EXOC6: variants seen among roughly 807,000 people sequenced by gnomAD.
EXOC6 encodes exocyst complex component 6.
EXOC6 carries 60 observed loss-of-function variants against 112.5 expected under a neutral mutation model. The ratio of observed to expected loss-of-function variants is 0.53; its 90% CI spans 0.43 to 0.66. The LOEUF is 0.66. EXOC6 is among the 30% of genes least tolerant of loss of function. EXOC6 has a pLI of 0.00. For synonymous variants in EXOC6, 295 were observed against 308.0 expected, an observed-to-expected ratio of 0.96 and a Z score of 0.44; for missense variants, 855 against 957.1, an observed-to-expected ratio of 0.89 and a Z score of 1.41.
chr10:93,052,512 A>G (rs1320013407), intron 20 of EXOC6, among the ~76,000 whole-genome samples: 1 of 152,210 alleles, frequency 6.6e-6, no homozygotes, highest in African/African-American at 2.4e-5. Context: ...TCACTTACAA[A>G]TGTTGGCATA....
chr10:92,856,726 C>T (rs61860820), intron 1 of EXOC6, among the ~76,000 whole-genome samples: 3,346 of 152,216 alleles, frequency 0.022, 57 homozygotes, highest in African/African-American at 0.041. Flanking sequence ...GTATTGTTCA[C>T]GTCTCCTATT....
Position 92,933,659 on chromosome 10 carries a change from A to G in EXOC6, c.973-485A>G, listed in dbSNP as rs190388838. On this transcript the variant is annotated intron_variant, in intron 9 of 21. Transcript: ENST00000260762. ...ATGAATGAAAGTCAAATGATCAAAT[A>G]TTTTTCTATATGCCTTGTTAAAATT... 7.2e-4 allele frequency among the ~76,000 whole-genome samples: 109 copies of G among 152,320 alleles called. 2 individuals carry two copies. The East Asian group carries it at 0.02, about 28-fold the overall frequency.
intron 17 of EXOC6, among the ~76,000 whole-genome samples, chr10:92,967,898 C>T (rs1842132551): frequency 6.6e-6 from 1 of 152,150 alleles, no homozygotes; most frequent in Non-Finnish European, 1.5e-5. Flanking sequence ...GAACTATATT[C>T]ATCTGCTTAG....
At chr10:92,842,622 G>A (rs1846899722) in intron 1 of EXOC6, among the ~76,000 whole-genome samples, 1 of 151,748 alleles carries the variant, frequency 6.6e-6, no homozygotes, top group Non-Finnish European at 1.5e-5. Context: ...ACAGGATGAC[G>A]AATAAGAAAA....
chr10:93,031,493 T>C (rs1180671880), intron 20 of EXOC6, among the ~76,000 whole-genome samples: 1 of 146,440 alleles, frequency 6.8e-6, no homozygotes, highest in Non-Finnish European at 1.5e-5. Flanking sequence ...TTTCTTTCTT[T>C]TCTTTTTTCT....
intron 20 of EXOC6, among the ~76,000 whole-genome samples, chr10:93,041,838 A>T (rs1054740948): frequency 6.6e-6 from 1 of 152,124 alleles, no homozygotes; most frequent in Admixed American, 6.6e-5. Flanking sequence ...CAGCCTCCTG[A>T]GTAGCTGGGA....
At chr10:92,852,456 A>AT (rs1314550746) in intron 1 of EXOC6, among the ~76,000 whole-genome samples, 1 of 3,138 alleles carries the variant, frequency 3.2e-4, no homozygotes, top group Non-Finnish European at 0.028. Flanking sequence ...ATACACACAG[A>AT]TTTTACAAAA....
At chr10:92,971,616 T>C (rs1410857160) in intron 17 of EXOC6, among the ~76,000 whole-genome samples, 3 of 149,632 alleles carry the variant, frequency 2.0e-5, no homozygotes, top group African/African-American at 7.4e-5. Context: ...CCTCAGATAA[T>C]CCACCCACCT....
At chr10:93,011,829 G>A (rs1348854885) in intron 19 of EXOC6, among the ~76,000 whole-genome samples, 1 of 152,114 alleles carries the variant, frequency 6.6e-6, no homozygotes, top group Non-Finnish European at 1.5e-5. Flanking sequence ...ACCACTGTAT[G>A]AAAGTATACC....
intron 1 of EXOC6, among the ~76,000 whole-genome samples, chr10:92,854,330 G>C (rs1268101388): frequency 6.6e-6 from 1 of 152,114 alleles, no homozygotes; most frequent in Non-Finnish European, 1.5e-5. Flanking sequence ...CCAGCTACTT[G>C]GGAGGCTGAG....
chr10:92,872,302 TTTTA>T (rs1259594133), intron 1 of EXOC6, among the ~76,000 whole-genome samples: 5 of 152,086 alleles, frequency 3.3e-5, no homozygotes, highest in Admixed American at 6.5e-5. Context: ...GGAGAGTCTT[TTTTA>T]TTTGTTAAAT....
chr10:92,913,964 A>G (rs1018582024), intron 6 of EXOC6, among the ~76,000 whole-genome samples: 5 of 152,234 alleles, frequency 3.3e-5, no homozygotes, highest in Non-Finnish European at 7.3e-5. Flanking sequence ...TCTAAAATTT[A>G]TATTGGGTAA....
chr10:92,873,393 T>C (rs1056275035), intron 1 of EXOC6, among the ~76,000 whole-genome samples: 2 of 152,206 alleles, frequency 1.3e-5, no homozygotes, highest in Non-Finnish European at 2.9e-5. Context: ...ACTAGACTTT[T>C]TTCTGTGCGT....
intron 20 of EXOC6, among the ~76,000 whole-genome samples, chr10:93,048,423 G>A (rs1382336028): frequency 6.6e-6 from 1 of 151,828 alleles, no homozygotes; most frequent in Non-Finnish European, 1.5e-5. Context: ...CATTGGCTGG[G>A]TGCAGTGGCT....
At chr10:92,874,579 C>T (rs1848604959) in intron 1 of EXOC6, among the ~76,000 whole-genome samples, 1 of 151,952 alleles carries the variant, frequency 6.6e-6, no homozygotes, top group Admixed American at 6.6e-5. Flanking sequence ...TGTGCACCCC[C>T]ACACATGCAC....
intron 18 of EXOC6, among the ~76,000 whole-genome samples, chr10:92,990,757 T>G (rs1337577891): frequency 2.1e-4 from 32 of 152,140 alleles, no homozygotes; most frequent in Admixed American, 2.1e-3. Context: ...ATTATCTGTT[T>G]ATCCCAATGC....
intron 8 of EXOC6, among the ~76,000 whole-genome samples, chr10:92,924,515 C>A (rs1463540644): frequency 6.6e-6 from 1 of 152,096 alleles, no homozygotes; most frequent in Non-Finnish European, 1.5e-5. Flanking sequence ...ATGTTTTCTA[C>A]TTCATATTTA....
chr10:92,979,784 C>A (rs1261170527), intron 18 of EXOC6, among the ~76,000 whole-genome samples: 1 of 151,336 alleles, frequency 6.6e-6, no homozygotes. Context: ...AAAAGATTAG[C>A]CTATTGGGAG....
chr10:92,889,268 A>G (rs1239576119), intron 1 of EXOC6, among the ~76,000 whole-genome samples: 2 of 152,204 alleles, frequency 1.3e-5, no homozygotes, highest in Admixed American at 1.3e-4. Context: ...CATGTTTACT[A>G]ATTTAATCCT....
Sources: gnomAD v4.1 joint callset for allele counts (sites outside exome capture counted in the v4.1 genomes callset) on GRCh38, gnomAD v4.1.1 for gene constraint, MANE v1.5 for transcripts, NCBI Gene and HGNC (gene_info 2026-07-23, HGNC 2026-07-21) for gene names.